The following PTPRR variants were observed in gnomAD, a reference collection of about 807,000 sequenced individuals.
The protein encoded by PTPRR is receptor-type tyrosine-protein phosphatase R.
In PTPRR, 38 loss-of-function variants were observed where a neutral mutation model predicts 77.2. The ratio of observed to expected loss-of-function variants is 0.49; its 90% CI spans 0.38 to 0.65. The LOEUF is 0.65. Ranked by LOEUF, PTPRR falls within the 30% of genes least tolerant of loss-of-function variation. The pLI is 0.00. For missense variants in PTPRR, 744 were observed against 799.2 expected, an observed-to-expected ratio of 0.93 and a Z score of 0.83; for synonymous variants, 299 against 283.1, an observed-to-expected ratio of 1.06 and a Z score of -0.57.
intron 2 of PTPRR, among the ~76,000 whole-genome samples, chr12:70,816,374 T>C (rs1459416929): frequency 6.6e-6 from 1 of 151,934 alleles, no homozygotes; most frequent in Non-Finnish European, 1.5e-5. Flanking sequence ...CATAAAACAA[T>C]AACCTGGAAT....
chr12:70,860,373 C>G (rs1337803257), intron 2 of PTPRR, among the ~76,000 whole-genome samples: 1 of 152,048 alleles, frequency 6.6e-6, no homozygotes, highest in Non-Finnish European at 1.5e-5. Context: ...CAGTTCAAAT[C>G]AAACCTAGAG....
chr12:70,778,936 C>T (rs2136994786), intron 2 of PTPRR, among the ~76,000 whole-genome samples: 1 of 152,332 alleles, frequency 6.6e-6, no homozygotes, highest in Admixed American at 6.5e-5. Context: ...ACCTCCACCT[C>T]CCAGGTTCAA....
intron 2 of PTPRR, among the ~76,000 whole-genome samples, chr12:70,795,913 ATTTTTTTTTTTT>A (rs71437157): frequency 6.8e-5 from 6 of 88,390 alleles, no homozygotes; most frequent in South Asian, 3.9e-4. Flanking sequence ...TATTTAGTAG[ATTTTTTTTTTTT>A]TTTTTTTTTT....
chr12:70,823,318 G>A (rs1892054664), intron 2 of PTPRR, among the ~76,000 whole-genome samples: 1 of 152,180 alleles, frequency 6.6e-6, no homozygotes, highest in African/African-American at 2.4e-5. Flanking sequence ...GTACGGCAGA[G>A]CAGTGACAGA....
At chr12:70,786,686 C>T (rs2137004795) in intron 2 of PTPRR, among the ~76,000 whole-genome samples, 1 of 152,218 alleles carries the variant, frequency 6.6e-6, no homozygotes, top group South Asian at 2.1e-4. Flanking sequence ...CATTTTTATT[C>T]CCTCCATGAA....
intron 2 of PTPRR, among the ~76,000 whole-genome samples, chr12:70,777,448 G>A (rs979086179): frequency 4.0e-5 from 6 of 151,874 alleles, no homozygotes; most frequent in Admixed American, 1.3e-4. Flanking sequence ...TAAAATTTAG[G>A]AAGTATTTAT....
chr12:70,757,551 GA>G (rs1890591010), intron 4 of PTPRR, among the ~76,000 whole-genome samples: 1 of 151,998 alleles, frequency 6.6e-6, no homozygotes, highest in South Asian at 2.1e-4. Flanking sequence ...GATTACAAAT[GA>G]AAACAAATGA....
intron 2 of PTPRR, among the ~76,000 whole-genome samples, chr12:70,827,926 G>A (rs1048711651): frequency 6.6e-6 from 1 of 151,590 alleles, no homozygotes; most frequent in Non-Finnish European, 1.5e-5. Context: ...TCACCATGTT[G>A]GCCAGTCTCA....
chr12:70,696,421 A>C (rs1193514902), intron 8 of PTPRR, among the ~76,000 whole-genome samples: 1 of 152,092 alleles, frequency 6.6e-6, no homozygotes, highest in Non-Finnish European at 1.5e-5. Flanking sequence ...ATCTAGTTTC[A>C]CATATAGTAG....
chr12:70,868,341 GA>G (rs1250387236), intron 2 of PTPRR, among the ~76,000 whole-genome samples: 72 of 120,776 alleles, frequency 6.0e-4, no homozygotes, highest in Middle Eastern at 3.9e-3. Context: ...AAATTTACAA[GA>G]AAAAAAAAAA....
intron 2 of PTPRR, among the ~76,000 whole-genome samples, chr12:70,866,458 T>C (rs1006129568): frequency 1.3e-5 from 2 of 152,076 alleles, no homozygotes; most frequent in Non-Finnish European, 2.9e-5. Flanking sequence ...CCTCGACACA[T>C]ACACCCTCCC....
chr12:70,835,020 A>T (rs7305160), intron 2 of PTPRR, among the ~76,000 whole-genome samples: 12,918 of 152,176 alleles, frequency 0.085, 951 homozygotes, highest in African/African-American at 0.21. Context: ...TAAGAAAGAC[A>T]TTTAACCTCT....
chr12:70,729,711 T>C lies in PTPRR; in HGVS notation c.1007+16107A>G, dbSNP rs545776461. Among the ~76,000 whole-genome samples the C allele has an allele frequency of 6.6e-5, 10 of 152,180 alleles. No homozygotes were observed. In the South Asian group the frequency reaches 1.7e-3, roughly 25 times the overall value. ...AAGGTCTAATGTACACCAGGCACCTTAATAGGCAATACAAATACATGGACA... is the reference window on the plus strand; with the variant it reads ...AAGGTCTAATGTACACCAGGCACCTCAATAGGCAATACAAATACATGGACA... On this transcript the variant is annotated intron_variant, in intron 6 of 13. Transcript: ENST00000283228.
chr12:70,880,669 A>G (rs1022519785), intron 2 of PTPRR, among the ~76,000 whole-genome samples: 2 of 152,182 alleles, frequency 1.3e-5, no homozygotes, highest in Non-Finnish European at 2.9e-5. Context: ...CTTAGAGTTC[A>G]GCAGAAATTA....
chr12:70,802,053 A>C (rs1282050226), intron 2 of PTPRR, among the ~76,000 whole-genome samples: 2 of 152,194 alleles, frequency 1.3e-5, no homozygotes, highest in Admixed American at 1.3e-4. Flanking sequence ...GTTTGTCTTT[A>C]GCTCACATTG....
At chr12:70,768,082 C>T (rs1215352603) in intron 2 of PTPRR, among the ~76,000 whole-genome samples, 3 of 152,018 alleles carry the variant, frequency 2.0e-5, no homozygotes, top group Non-Finnish European at 4.4e-5. Flanking sequence ...AAAACTGACA[C>T]CCTAACATCA....
intron 2 of PTPRR, among the ~76,000 whole-genome samples, chr12:70,864,136 C>T (rs1053454713): frequency 1.3e-5 from 2 of 152,178 alleles, no homozygotes; most frequent in Non-Finnish European, 2.9e-5. Flanking sequence ...TTCTATCTCC[C>T]AGTGACTGCA....
At chr12:70,779,401 C>T (rs768847482) in intron 2 of PTPRR, among the ~76,000 whole-genome samples, 2 of 152,110 alleles carry the variant, frequency 1.3e-5, no homozygotes, top group African/African-American at 4.8e-5. Context: ...TGGCATGCAC[C>T]TGCCTGCTGC....
At chr12:70,809,050 CA>C (rs1316049520) in intron 2 of PTPRR, among the ~76,000 whole-genome samples, 4 of 152,162 alleles carry the variant, frequency 2.6e-5, no homozygotes, top group Non-Finnish European at 4.4e-5. Context: ...CATTTCCCGC[CA>C]GAAGGGTTGG....
Sources: gnomAD v4.1 joint callset for allele counts (sites outside exome capture counted in the v4.1 genomes callset) on GRCh38, gnomAD v4.1.1 for gene constraint, MANE v1.5 for transcripts, NCBI Gene and HGNC (gene_info 2026-07-23, HGNC 2026-07-21) for gene names.